NPEPPS: variants seen among roughly 807,000 people sequenced by gnomAD.
NPEPPS encodes puromycin-sensitive aminopeptidase.
NPEPPS carries 14 observed loss-of-function variants against 115.5 expected under a neutral mutation model. The ratio of observed to expected loss-of-function variants is 0.12; its 90% CI spans 0.08 to 0.19. The LOEUF is 0.19. NPEPPS is among the 10% of genes least tolerant of loss of function. The pLI is 1.00. For synonymous variants in NPEPPS, 285 were observed against 390.6 expected, an observed-to-expected ratio of 0.73 and a Z score of 3.19; for missense variants, 523 against 1,110.8, an observed-to-expected ratio of 0.47 and a Z score of 7.52.
chr17:47,552,495 CA>C (rs1407191269), intron 2 of NPEPPS, among the ~76,000 whole-genome samples: 1 of 152,124 alleles, frequency 6.6e-6, no homozygotes, highest in Non-Finnish European at 1.5e-5. Context: ...TTCACTTTTA[CA>C]TTTGTTGGTT....
chr17:47,606,743 C>CCGCTTCT (rs1913541247), intron 17 of NPEPPS, among the ~76,000 whole-genome samples: 1 of 600 alleles, frequency 1.7e-3, no homozygotes. Context: ...CAGCTGGTCC[C>CCGCTTCT]AAACAAATAT....
chr17:47,611,359 C>T (rs1030529085), intron 17 of NPEPPS, among the ~76,000 whole-genome samples: 1 of 150,960 alleles, frequency 6.6e-6, no homozygotes, highest in Non-Finnish European at 1.5e-5. Flanking sequence ...ACTCAGAAGA[C>T]TGAGGTAGAG....
chr17:47,592,768 T>C (rs951207614), intron 12 of NPEPPS: 73 of 436,880 alleles, frequency 1.7e-4, no homozygotes, highest in Non-Finnish European at 2.7e-4. Context: ...TTCTTTTTTT[T>C]AATTAAAGTT....
intron 10 of NPEPPS, among the ~76,000 whole-genome samples, chr17:47,591,286 A>G (rs1334040514): frequency 1.3e-5 from 2 of 151,958 alleles, no homozygotes; most frequent in African/African-American, 4.8e-5. Flanking sequence ...CAGGAGAATC[A>G]CTTGAACCTG....
chr17:47,536,704 CTTTTTTTTT>C (rs572115219), intron 1 of NPEPPS, among the ~76,000 whole-genome samples: 27 of 76,828 alleles, frequency 3.5e-4, no homozygotes, highest in East Asian at 1.2e-3. Flanking sequence ...TGCCTGGCTT[CTTTTTTTTT>C]TTTTTTTTTT....
In NPEPPS at chr17:47,619,091, A is replaced by G; in HGVS notation, c.2486A>G (p.Lys829Arg). Residue 829 changes from lysine (K) to arginine (R), a missense_variant, in exon 21 of 23, where the codon AAA becomes AGA. Coordinates refer to ENST00000322157, the MANE Select transcript of NPEPPS (RefSeq NM_006310.4). ...AAGCATGGTAGGAAAGCTGCTTGGA[A>G]ATTCATAAAGGACAACTGGGAAGAA... is the stretch of plus-strand genomic sequence containing the variant. ...GSKHGRKAAW[K>R]FIKDNWEELY... The G allele has an allele frequency of 6.2e-7, 1 of 1,613,974 alleles. No individual in the cohort carries two copies. The highest frequency in any genetic ancestry group is 1.1e-5 in the South Asian group (1 of 91,084).
intron 2 of NPEPPS, chr17:47,559,574 C>T (rs759944034): frequency 1.8e-5 from 8 of 445,446 alleles, no homozygotes; most frequent in South Asian, 4.8e-5. Context: ...GTTTTGTTCC[C>T]CGTTGGTTAC....
At chr17:47,530,655 C>T (rs1907672161), upstream of NPEPPS, among the ~76,000 whole-genome samples, 1 of 152,210 alleles carries the variant, frequency 6.6e-6, no homozygotes, top group African/African-American at 2.4e-5. Context: ...CTGCGCCCGG[C>T]TATTAAAGGT....
chr17:47,538,526 CTTT>C (rs1029993473), intron 1 of NPEPPS, among the ~76,000 whole-genome samples: 1 of 104,412 alleles, frequency 9.6e-6, no homozygotes, highest in African/African-American at 3.8e-5. Context: ...TATCTGTTTT[CTTT>C]TTTTTTTTTT....
At chr17:47,552,579 A>G (rs1306245544) in intron 2 of NPEPPS, among the ~76,000 whole-genome samples, 1 of 152,202 alleles carries the variant, frequency 6.6e-6, no homozygotes, top group Non-Finnish European at 1.5e-5. Context: ...AAAGTATATG[A>G]GTGTAGAATA....
At chr17:47,529,735 CATTATATA>C (rs1158686125), upstream of NPEPPS, among the ~76,000 whole-genome samples, 83 of 18,954 alleles carry the variant, frequency 4.4e-3, 7 homozygotes, top group South Asian at 0.047. Context: ...ATTTCAGTTA[CATTATATA>C]TATATATATA....
At chr17:47,556,160 G>A (rs1410283520) in intron 2 of NPEPPS, among the ~76,000 whole-genome samples, 4 of 149,656 alleles carry the variant, frequency 2.7e-5, no homozygotes, top group Non-Finnish European at 5.9e-5. Flanking sequence ...AATAGAGGAG[G>A]GAAGGTCAGC....
chr17:47,555,960 T>A (rs1364323331), intron 2 of NPEPPS, among the ~76,000 whole-genome samples: 5 of 151,294 alleles, frequency 3.3e-5, no homozygotes, highest in Non-Finnish European at 5.9e-5. Flanking sequence ...CTCATTTTAT[T>A]TATTTGTGCC....
intron 17 of NPEPPS, among the ~76,000 whole-genome samples, chr17:47,608,783 A>G (rs1460222152): frequency 1.3e-5 from 2 of 152,198 alleles, no homozygotes; most frequent in Non-Finnish European, 2.9e-5. Context: ...CAGAATTTAA[A>G]TAAATAGTAG....
In NPEPPS at chr17:47,604,195, T is replaced by G. The variant is rs370735960; in HGVS notation, c.1875+146T>G. 440 of 615,454 alleles carry G rather than the reference T, an allele frequency of 7.1e-4. 8 individuals carry two copies. In the South Asian group the frequency reaches 0.015, roughly 21 times the overall value. 38.1% of individuals were successfully genotyped at this position (615,454 alleles called of 1,614,324 possible). A position where few individuals can be genotyped will look rare whatever the true frequency, so the allele number is the denominator to read the frequency against. On this transcript the variant is annotated intron_variant, in intron 16 of 22. Transcript: ENST00000322157. The stretch of plus-strand genomic sequence containing the variant: ...TGGGACTAGAGCAAATCACTGTTTT[T>G]AATATGACAAGATTGAGGCTATATA...
intron 4 of NPEPPS, chr17:47,582,405 T>C (rs938966097): frequency 6.6e-6 from 2 of 302,422 alleles, no homozygotes; most frequent in African/African-American, 4.3e-5. Flanking sequence ...GCATACTCTT[T>C]ACTGTTCTGT....
intron 1 of NPEPPS, among the ~76,000 whole-genome samples, chr17:47,535,817 C>T (rs999463577): frequency 7.1e-6 from 1 of 140,174 alleles, no homozygotes; most frequent in Non-Finnish European, 1.5e-5. Context: ...GTGGTTGGTA[C>T]AATAATTGGG....
intron 4 of NPEPPS, chr17:47,580,530 TAA>T (rs1911809492): frequency 6.6e-6 from 1 of 152,162 alleles, no homozygotes; most frequent in African/African-American, 2.4e-5. Context: ...TGAAAAAAGG[TAA>T]AAAGAGCAAC....
At chr17:47,527,257 C>T (rs1365682547), upstream of NPEPPS, among the ~76,000 whole-genome samples, 4 of 151,884 alleles carry the variant, frequency 2.6e-5, no homozygotes, top group Non-Finnish European at 4.4e-5. Flanking sequence ...CCGAGGTGGG[C>T]GGATCACTTG....
Sources: allele counts gnomAD v4.1 joint callset (sites outside exome capture counted in the v4.1 genomes callset), GRCh38; gene constraint gnomAD v4.1.1; transcripts MANE v1.5; gene names NCBI Gene and HGNC (gene_info 2026-07-23, HGNC 2026-07-21).